Variants in PHACTR1 observed in about 807,000 individuals in gnomAD.
PHACTR1 encodes the protein phosphatase and actin regulator 1.
A neutral mutation model predicts 69.2 loss-of-function variants in PHACTR1; 16 were observed. The ratio of observed to expected loss-of-function variants is 0.23; its 90% CI spans 0.16 to 0.35. The LOEUF (loss-of-function observed/expected upper bound fraction) is 0.35, where lower values mean the gene tolerates loss of function less well. Among genes scored for constraint, PHACTR1 ranks in the 10% least tolerant of loss-of-function variants. PHACTR1 has a pLI of 1.00. For synonymous variants in PHACTR1, 312 were observed against 284.5 expected, an observed-to-expected ratio of 1.10 and a Z score of -0.97; for missense variants, 510 against 734.7, an observed-to-expected ratio of 0.69 and a Z score of 3.54.
chr6:13,164,890 C>T (rs528825441), intron 6 of PHACTR1, among the ~76,000 whole-genome samples: 2 of 151,764 alleles, frequency 1.3e-5, no homozygotes, highest in Non-Finnish European at 2.9e-5. Flanking sequence ...TCGACTGAAC[C>T]GGCACAGAGA....
At chr6:12,884,836 T>TAC (rs969607679) in intron 4 of PHACTR1, among the ~76,000 whole-genome samples, 7 of 151,976 alleles carry the variant, frequency 4.6e-5, no homozygotes, top group Non-Finnish European at 8.8e-5. Context: ...CACAAACACA[T>TAC]ACACACACAC....
intron 4 of PHACTR1, among the ~76,000 whole-genome samples, chr6:12,932,395 A>C (rs1417954243): frequency 1.3e-5 from 2 of 152,108 alleles, no homozygotes; most frequent in Non-Finnish European, 2.9e-5. Context: ...GCTATTCCCA[A>C]ATATCTCCAA....
chr6:13,051,428 T>G (rs1410356187), intron 4 of PHACTR1, among the ~76,000 whole-genome samples: 1 of 152,202 alleles, frequency 6.6e-6, no homozygotes, highest in Non-Finnish European at 1.5e-5. Context: ...AAATGCCAAT[T>G]CATTTCAAGA....
intron 4 of PHACTR1, among the ~76,000 whole-genome samples, chr6:13,015,189 G>A (rs982054607): frequency 5.3e-5 from 8 of 152,166 alleles, no homozygotes; most frequent in Non-Finnish European, 8.8e-5. Context: ...GTCGGCCTCT[G>A]AAGTGCAGAG....
intron 5 of PHACTR1, among the ~76,000 whole-genome samples, chr6:13,132,751 G>C (rs1820676390): frequency 6.6e-6 from 1 of 151,356 alleles, no homozygotes; most frequent in Non-Finnish European, 1.5e-5. Flanking sequence ...AAAAGTGAAT[G>C]ATCATCGGAG....
At chr6:13,103,276 C>G (rs1815485735) in intron 5 of PHACTR1, among the ~76,000 whole-genome samples, 1 of 152,138 alleles carries the variant, frequency 6.6e-6, no homozygotes, top group Non-Finnish European at 1.5e-5. Flanking sequence ...GATGAGATGA[C>G]CACTCTTAAG....
At chr6:13,195,482 C>T (rs902619548) in intron 7 of PHACTR1, among the ~76,000 whole-genome samples, 1 of 151,908 alleles carries the variant, frequency 6.6e-6, no homozygotes, top group Non-Finnish European at 1.5e-5. Flanking sequence ...TGTGGCCTGG[C>T]GCGGTGGCTC....
At chr6:12,903,762 G>A (rs1785440222) in intron 4 of PHACTR1, among the ~76,000 whole-genome samples, 3 of 152,100 alleles carry the variant, frequency 2.0e-5, no homozygotes, top group African/African-American at 4.8e-5. Flanking sequence ...TATTTTCCAC[G>A]AGCTGAGTTT....
In PHACTR1 at chr6:13,272,866, G is replaced by A. The variant is rs768964021; in HGVS notation, c.1398G>A (p.Leu466=). The A allele has an allele frequency of 3.1e-6, 5 of 1,614,078 alleles. No individual in the cohort carries two copies. The highest frequency in any genetic ancestry group is 1.6e-4 in the Middle Eastern group (1 of 6,062). The part of the protein sequence containing the change: ...QQIGTKLTRR[L]SQRPTAEELE... ...TCCTGGATTTTTTCCGTAGGCGGCT[G>A]AGCCAGAGGCCAACTGCAGAGGAAC... Residue 466 remains leucine (L), a synonymous_variant, in exon 11 of 15, where the codon CTG becomes CTA. Coordinates refer to ENST00000332995, the MANE Select transcript of PHACTR1 (RefSeq NM_030948.6).
At chr6:13,110,809 A>G (rs571300190) in intron 5 of PHACTR1, among the ~76,000 whole-genome samples, 1 of 152,282 alleles carries the variant, frequency 6.6e-6, no homozygotes, top group South Asian at 2.1e-4. Flanking sequence ...AGTTTTGTCC[A>G]GGTTCCTACT....
intron 4 of PHACTR1, among the ~76,000 whole-genome samples, chr6:12,877,426 A>G (rs1379725573): frequency 6.6e-6 from 1 of 152,138 alleles, no homozygotes; most frequent in East Asian, 1.9e-4. Flanking sequence ...GGAAGAAAAT[A>G]CTGTTAAACA....
chr6:12,889,312 C>A (rs1251434106), intron 4 of PHACTR1, among the ~76,000 whole-genome samples: 1 of 152,136 alleles, frequency 6.6e-6, no homozygotes, highest in Non-Finnish European at 1.5e-5. Flanking sequence ...GTACACTCTT[C>A]CCACAGACAA....
chr6:13,256,678 G>C (rs954477584), intron 10 of PHACTR1, among the ~76,000 whole-genome samples: 4 of 152,206 alleles, frequency 2.6e-5, no homozygotes, highest in African/African-American at 9.7e-5. Context: ...CTAGGGCAGA[G>C]GCACAGTGCA....
chr6:13,285,656 G>A (rs1189525901), intron 13 of PHACTR1, among the ~76,000 whole-genome samples: 1 of 152,162 alleles, frequency 6.6e-6, no homozygotes, highest in Non-Finnish European at 1.5e-5. Flanking sequence ...GAAGAGTCAG[G>A]GAAGTTGTAA....
chr6:13,117,610 T>A (rs1818006523), intron 5 of PHACTR1, among the ~76,000 whole-genome samples: 1 of 152,240 alleles, frequency 6.6e-6, no homozygotes, highest in South Asian at 2.1e-4. Flanking sequence ...AAATGTGGTC[T>A]CTAGTCAAGG....
At chr6:13,071,674 G>A (rs533474833) in intron 5 of PHACTR1, among the ~76,000 whole-genome samples, 1 of 152,246 alleles carries the variant, frequency 6.6e-6, no homozygotes, top group South Asian at 2.1e-4. Flanking sequence ...TTAACCAAAT[G>A]GGAGTTTCTA....
At chr6:12,830,240 C>A (rs1271944828) in intron 4 of PHACTR1, among the ~76,000 whole-genome samples, 1 of 151,702 alleles carries the variant, frequency 6.6e-6, no homozygotes, top group Non-Finnish European at 1.5e-5. Context: ...ACTAAAAACT[C>A]CAGTCAAGTT....
intron 4 of PHACTR1, among the ~76,000 whole-genome samples, chr6:12,813,272 A>T (rs755701311): frequency 1.9e-4 from 29 of 152,330 alleles, no homozygotes; most frequent in Non-Finnish European, 3.2e-4. Flanking sequence ...GGTTTCACAC[A>T]CAAGTTCTGA....
At chr6:13,062,256 C>T (rs1256809529) in intron 5 of PHACTR1, among the ~76,000 whole-genome samples, 1 of 152,162 alleles carries the variant, frequency 6.6e-6, no homozygotes, top group African/African-American at 2.4e-5. Context: ...ATCTCCAGTC[C>T]TCTCCCTAAG....
Sources: gnomAD v4.1 joint callset for allele counts (sites outside exome capture counted in the v4.1 genomes callset) on GRCh38, gnomAD v4.1.1 for gene constraint, MANE v1.5 for transcripts, NCBI Gene and HGNC (gene_info 2026-07-23, HGNC 2026-07-21) for gene names.